The following HS3ST4 variants were observed in gnomAD, a reference collection of about 807,000 sequenced individuals.
HS3ST4 encodes the protein heparan sulfate-glucosamine 3-sulfotransferase 4.
HS3ST4 carries 17 observed loss-of-function variants against 29.2 expected under a neutral mutation model. That is an observed-to-expected ratio of 0.58 (90% CI 0.40 to 0.87). HS3ST4 has a LOEUF of 0.87. Among genes scored for constraint, HS3ST4 ranks in the 40% least tolerant of loss-of-function variants. The pLI is 0.00. For missense variants in HS3ST4, 627 were observed against 634.5 expected (o/e 0.99, Z 0.13); for synonymous variants, 314 against 285.7 (o/e 1.10, Z -1.00).
At chr16:25,922,259 T>C (rs1242056376) in intron 1 of HS3ST4, among the ~76,000 whole-genome samples, 1 of 152,172 alleles carries the variant, frequency 6.6e-6, no homozygotes, top group Non-Finnish European at 1.5e-5. Context: ...GTGGGGCCAC[T>C]GGTAGTTGAT....
intron 1 of HS3ST4, among the ~76,000 whole-genome samples, chr16:26,065,277 G>A (rs1037865133): frequency 1.6e-4 from 25 of 152,224 alleles, no homozygotes; most frequent in African/African-American, 6.0e-4. Context: ...TATACACCAT[G>A]GAATACTATG....
intron 1 of HS3ST4, among the ~76,000 whole-genome samples, chr16:25,726,146 G>A (rs557641359): frequency 5.5e-4 from 83 of 152,286 alleles, no homozygotes; most frequent in African/African-American, 1.9e-3. Flanking sequence ...TTTGAAAACT[G>A]CTTTGTTACT....
chr16:25,904,640 A>G (rs189667961), intron 1 of HS3ST4, among the ~76,000 whole-genome samples: 5 of 152,264 alleles, frequency 3.3e-5, no homozygotes, highest in African/African-American at 1.2e-4. Flanking sequence ...CATTTTTTCA[A>G]TAAGTCTTTC....
At chr16:25,988,129 C>T (rs540216628) in intron 1 of HS3ST4, among the ~76,000 whole-genome samples, 35 of 152,292 alleles carry the variant, frequency 2.3e-4, no homozygotes, top group African/African-American at 7.5e-4. Flanking sequence ...ACCAGGCTGC[C>T]GGCTAATTCA....
chr16:26,066,340 G>A (rs913259330), intron 1 of HS3ST4, among the ~76,000 whole-genome samples: 9 of 152,332 alleles, frequency 5.9e-5, no homozygotes, highest in South Asian at 2.1e-4. Context: ...TTGTAAAGAG[G>A]TGGGAGGAAC....
Position 25,692,190 on chromosome 16 carries a change from C to T in HS3ST4, c.-228C>T, listed in dbSNP as rs1248660274. On this transcript the variant is annotated 5_prime_UTR_variant, in exon 1 of 2. Coordinates refer to ENST00000331351, the MANE Select transcript of HS3ST4 (RefSeq NM_006040.3). The stretch of plus-strand genomic sequence containing the variant: ...CGGTGGTGGGGGGGCCACCCGGACT[C>T]GGCGGGCAGCGTGGGGCGGGGGGCC... 5 of 148,656 alleles carry T rather than the reference C, an allele frequency of 3.4e-5. No homozygotes were observed. The highest frequency in any genetic ancestry group is 1.2e-4 in the African/African-American group (5 of 40,592). 9.2% of individuals were successfully genotyped at this position (148,656 alleles called of 1,614,324 possible).
chr16:25,715,400 G>T (rs1966447406), intron 1 of HS3ST4, among the ~76,000 whole-genome samples: 1 of 150,902 alleles, frequency 6.6e-6, no homozygotes, highest in Non-Finnish European at 1.5e-5. Flanking sequence ...ACTGGCACTG[G>T]ATAAAAGCTT....
chr16:25,949,533 T>C (rs573709307), intron 1 of HS3ST4, among the ~76,000 whole-genome samples: 17 of 152,216 alleles, frequency 1.1e-4, no homozygotes, highest in African/African-American at 4.1e-4. Context: ...GCTGAAGTGG[T>C]GAAGGTAGAT....
At chr16:26,052,217 T>C (rs1432179772) in intron 1 of HS3ST4, among the ~76,000 whole-genome samples, 2 of 152,108 alleles carry the variant, frequency 1.3e-5, no homozygotes, top group Non-Finnish European at 2.9e-5. Flanking sequence ...CTCAGTCTAT[T>C]GGCATTCCAT....
intron 1 of HS3ST4, among the ~76,000 whole-genome samples, chr16:25,941,246 A>T (rs568432327): frequency 2.6e-4 from 40 of 152,046 alleles, no homozygotes; most frequent in African/African-American, 9.4e-4. Flanking sequence ...GCTTACCACA[A>T]CCTTTGCCTC....
At chr16:26,049,688 T>C (rs1354489631) in intron 1 of HS3ST4, among the ~76,000 whole-genome samples, 1 of 152,088 alleles carries the variant, frequency 6.6e-6, no homozygotes, top group African/African-American at 2.4e-5. Flanking sequence ...TACCTGGAGA[T>C]AGCGTCAGAT....
intron 1 of HS3ST4, among the ~76,000 whole-genome samples, chr16:25,877,771 CATG>C (rs1967848087): frequency 1.3e-5 from 2 of 152,172 alleles, no homozygotes; most frequent in Admixed American, 6.6e-5. Flanking sequence ...AAACAGATAC[CATG>C]ATGATTCTTA....
In HS3ST4 at chr16:25,829,550, G is replaced by T. The variant is rs992633679; in HGVS notation, c.734+136399G>T. Among the ~76,000 whole-genome samples, 7 of 152,112 alleles carry T rather than the reference G, an allele frequency of 4.6e-5. 1 individual carries two copies. Among genetic ancestry groups the T allele is most frequent in the Non-Finnish European group, 8.8e-5 (6 of 68,030 alleles). ...TGAACACTGAATGCATTAGTTATTT[G>T]TCCTAATGCTCTCCCTCCCCTTGCC... On this transcript the variant is annotated intron_variant, in intron 1 of 1. Coordinates refer to ENST00000331351, the MANE Select transcript of HS3ST4 (RefSeq NM_006040.3).
chr16:25,958,797 G>A (rs1014370261), intron 1 of HS3ST4, among the ~76,000 whole-genome samples: 4 of 152,176 alleles, frequency 2.6e-5, no homozygotes, highest in Non-Finnish European at 5.9e-5. Context: ...TCTCCTCATG[G>A]CTGGTGTTGG....
chr16:25,768,347 G>A (rs1021011026), intron 1 of HS3ST4, among the ~76,000 whole-genome samples: 12 of 152,198 alleles, frequency 7.9e-5, no homozygotes, highest in African/African-American at 2.4e-4. Flanking sequence ...AAATCAGACT[G>A]ATTCACAGGC....
chr16:25,769,400 T>A (rs1206001385), intron 1 of HS3ST4, among the ~76,000 whole-genome samples: 1 of 152,142 alleles, frequency 6.6e-6, no homozygotes, highest in East Asian at 1.9e-4. Flanking sequence ...GGTAAAGTAG[T>A]CCGTAGCTAA....
At chr16:26,007,908 T>G (rs1969272513) in intron 1 of HS3ST4, among the ~76,000 whole-genome samples, 1 of 147,880 alleles carries the variant, frequency 6.8e-6, no homozygotes, top group African/African-American at 2.5e-5. Context: ...GTTAGACACA[T>G]GGCCACTTTT....
intron 1 of HS3ST4, among the ~76,000 whole-genome samples, chr16:25,694,851 A>G (rs1476629394): frequency 6.6e-6 from 1 of 151,940 alleles, no homozygotes; most frequent in Non-Finnish European, 1.5e-5. Context: ...AAATCTTTCC[A>G]AGATCTGAGG....
rs74248795 is a variant in HS3ST4 at position 26,108,294 on chromosome 16, T to G, written c.735-27318T>G. Among the ~76,000 whole-genome samples the G allele has an allele frequency of 9.2e-5, 14 of 152,332 alleles. No homozygotes were observed. In the East Asian group the frequency reaches 2.5e-3, roughly 27 times the overall value. ...TGTCATTTGCACTAGTGGCATATTA[T>G]TAGGTATTTTTGGTTGGGTTACTCT... On this transcript the variant is annotated intron_variant, in intron 1 of 1. Transcript: ENST00000331351.
Sources: gnomAD v4.1 joint callset for allele counts (sites outside exome capture counted in the v4.1 genomes callset) on GRCh38, gnomAD v4.1.1 for gene constraint, MANE v1.5 for transcripts, NCBI Gene and HGNC (gene_info 2026-07-23, HGNC 2026-07-21) for gene names.